NELL1: variants seen among roughly 807,000 people sequenced by gnomAD.
The protein encoded by NELL1 is neural EGFL like 1.
NELL1 carries 76 observed loss-of-function variants against 107.4 expected under a neutral mutation model. The ratio of observed to expected loss-of-function variants is 0.71; its 90% CI spans 0.59 to 0.86. The LOEUF is 0.86. Among genes scored for constraint, NELL1 ranks in the 40% least tolerant of loss-of-function variants. The pLI is 0.00. For missense variants in NELL1, 1,024 were observed against 1,005.5 expected (o/e 1.02, Z -0.25); for synonymous variants, 353 against 341.2 (o/e 1.03, Z -0.38).
chr11:21,192,820 A>G (rs764001014), intron 13 of NELL1, among the ~76,000 whole-genome samples: 1 of 151,888 alleles, frequency 6.6e-6, no homozygotes, highest in Non-Finnish European at 1.5e-5. Flanking sequence ...TAGAGGTCAC[A>G]CTGGACCAAG....
intron 2 of NELL1, among the ~76,000 whole-genome samples, chr11:20,709,213 G>T (rs960937022): frequency 6.6e-6 from 1 of 152,078 alleles, no homozygotes; most frequent in African/African-American, 2.4e-5. Flanking sequence ...GTTGATTTTT[G>T]TCTAAGGAGA....
intron 14 of NELL1, among the ~76,000 whole-genome samples, chr11:21,303,178 A>G (rs35874505): frequency 6.6e-6 from 1 of 152,040 alleles, no homozygotes; most frequent in Non-Finnish European, 1.5e-5. Context: ...CAAATAAATA[A>G]CAGTGTAAGA....
chr11:21,543,023 G>T (rs1056695887), intron 16 of NELL1, among the ~76,000 whole-genome samples: 1 of 151,930 alleles, frequency 6.6e-6, no homozygotes, highest in African/African-American at 2.4e-5. Context: ...CCAGGGAAGA[G>T]ACATGTCAGG....
intron 2 of NELL1, among the ~76,000 whole-genome samples, chr11:20,680,475 G>GA (rs1223466815): frequency 7.9e-5 from 12 of 152,172 alleles, no homozygotes; most frequent in Non-Finnish European, 1.6e-4. Context: ...CATTTTGGGG[G>GA]AAAAATTTCT....
chr11:21,499,537 A>T (rs1242172949), intron 15 of NELL1, among the ~76,000 whole-genome samples: 2 of 152,134 alleles, frequency 1.3e-5, no homozygotes, highest in African/African-American at 4.8e-5. Context: ...CTTTTCACAG[A>T]ATTAAAATTC....
At chr11:20,707,892 A>C (rs1270262645) in intron 2 of NELL1, among the ~76,000 whole-genome samples, 1 of 152,212 alleles carries the variant, frequency 6.6e-6, no homozygotes, top group African/African-American at 2.4e-5. Flanking sequence ...GGGACGTTTA[A>C]GTCTGCAGAA....
chr11:21,544,431 T>A (rs191025334), intron 16 of NELL1, among the ~76,000 whole-genome samples: 249 of 151,922 alleles, frequency 1.6e-3, no homozygotes, highest in Non-Finnish European at 2.7e-3. Flanking sequence ...AATATATAGG[T>A]AATTAGGGAA....
At chr11:21,456,484 A>G (rs1839485556) in intron 15 of NELL1, among the ~76,000 whole-genome samples, 1 of 152,056 alleles carries the variant, frequency 6.6e-6, no homozygotes, top group South Asian at 2.1e-4. Flanking sequence ...AGCCTAAAAC[A>G]GTTATTTTAT....
At chr11:20,895,952 T>C (rs966026986) in intron 5 of NELL1, among the ~76,000 whole-genome samples, 16 of 152,208 alleles carry the variant, frequency 1.1e-4, no homozygotes, top group Non-Finnish European at 1.0e-4. Flanking sequence ...TTTCTTTTTT[T>C]TAAATTCTAT....
chr11:21,480,417 A>T (rs1457911832), intron 15 of NELL1, among the ~76,000 whole-genome samples: 4 of 152,114 alleles, frequency 2.6e-5, no homozygotes, highest in Non-Finnish European at 1.5e-5. Flanking sequence ...AAGAAGGGCA[A>T]TTTCCCTGTC....
intron 3 of NELL1, among the ~76,000 whole-genome samples, chr11:20,821,470 G>T (rs2134025119): frequency 6.6e-6 from 1 of 152,280 alleles, no homozygotes; most frequent in Non-Finnish European, 1.5e-5. Flanking sequence ...CTCATAACCA[G>T]CTCCTTATAT....
intron 14 of NELL1, among the ~76,000 whole-genome samples, chr11:21,276,879 T>C (rs1457374338): frequency 3.3e-5 from 5 of 151,476 alleles, no homozygotes; most frequent in African/African-American, 9.7e-5. Context: ...CTTCCTTACA[T>C]CTTATACAAA....
chr11:21,010,643 T>C (rs1257526200), intron 12 of NELL1, among the ~76,000 whole-genome samples: 1 of 152,078 alleles, frequency 6.6e-6, no homozygotes, highest in Non-Finnish European at 1.5e-5. Context: ...ATAAAATACA[T>C]TTAAAGTGCC....
chr11:21,152,795 A>T (rs1211014454), intron 13 of NELL1, among the ~76,000 whole-genome samples: 1 of 152,114 alleles, frequency 6.6e-6, no homozygotes, highest in East Asian at 1.9e-4. Context: ...ATATTTCAGG[A>T]TGGAGATACT....
At chr11:21,033,525 G>A (rs116152580) in intron 12 of NELL1, among the ~76,000 whole-genome samples, 3,585 of 152,154 alleles carry the variant, frequency 0.024, 138 homozygotes, top group African/African-American at 0.081. Context: ...TCTAAGGATA[G>A]TGGCCTCCAG....
chr11:20,737,173 C>G (rs1017854880), intron 2 of NELL1, among the ~76,000 whole-genome samples: 1 of 152,078 alleles, frequency 6.6e-6, no homozygotes, highest in Non-Finnish European at 1.5e-5. Context: ...CTAGAGCTCA[C>G]ATAGGCTCTG....
rs374312070 is a variant in NELL1 at position 20,771,846 on chromosome 11, C to T, written c.185-11834C>T. Among the ~76,000 whole-genome samples the T allele has an allele frequency of 3.3e-5, 5 of 152,302 alleles. No homozygotes were observed. In the East Asian group the frequency reaches 5.8e-4, roughly 18 times the overall value. On this transcript the variant is annotated intron_variant, in intron 2 of 19. Coordinates refer to ENST00000357134, the MANE Select transcript of NELL1 (RefSeq NM_006157.5). ...TTCACCCTAGTAATTGCTCCATCCT[C>T]TAATTTAATGAAAACCCATTAAACC...
chr11:21,200,459 T>A (rs142409377), intron 13 of NELL1, among the ~76,000 whole-genome samples: 9,249 of 152,262 alleles, frequency 0.061, 397 homozygotes, highest in East Asian at 0.16. Flanking sequence ...GAAGTGTCTG[T>A]TCATATCCTT....
At chr11:21,071,850 C>T (rs1854023493) in intron 12 of NELL1, among the ~76,000 whole-genome samples, 8 of 152,160 alleles carry the variant, frequency 5.3e-5, no homozygotes. Flanking sequence ...TTTCTATTTC[C>T]TTCCTTTAAA....
Sources: gnomAD v4.1 joint callset for allele counts (sites outside exome capture counted in the v4.1 genomes callset) on GRCh38, gnomAD v4.1.1 for gene constraint, MANE v1.5 for transcripts, NCBI Gene and HGNC (gene_info 2026-07-23, HGNC 2026-07-21) for gene names.